ANXA6: variants seen among roughly 807,000 people sequenced by gnomAD.
The protein encoded by ANXA6 is 67 kDa calelectrin.
A neutral mutation model predicts 95.4 loss-of-function variants in ANXA6; 71 were observed. That is an observed-to-expected ratio of 0.74 (90% CI 0.61 to 0.91). The LOEUF is 0.91. Ranked by LOEUF, ANXA6 falls within the 40% of genes least tolerant of loss-of-function variation. ANXA6 has a pLI of 0.00. For missense variants in ANXA6, 830 were observed against 876.4 expected (o/e 0.95, Z 0.67); for synonymous variants, 289 against 315.9 (o/e 0.91, Z 0.90).
intron 24 of ANXA6, among the ~76,000 whole-genome samples, 193 bp downstream of exon 24, chr5:151,105,052 G>A (rs753380450): frequency 6.6e-6 from 1 of 152,222 alleles, no homozygotes; most frequent in Non-Finnish European, 1.5e-5. Context: ...TCCGGGGCGG[G>A]GGAAGGCGGG....
intron 20 of ANXA6, among the ~76,000 whole-genome samples, chr5:151,114,013 A>C (rs1764925271): frequency 6.6e-6 from 1 of 152,224 alleles, no homozygotes; most frequent in African/African-American, 2.4e-5. Context: ...TGTTTTCTTA[A>C]GTGAAGAAGC....
At chr5:151,139,118 T>C in intron 4 of ANXA6, 1 of 586,804 alleles carries the variant, frequency 1.7e-6, no homozygotes. Context: ...ACCTCACCCA[T>C]CTTATTCACT....
Position 151,130,858 on chromosome 5 carries a change from T to C in ANXA6, c.795+373A>G, listed in dbSNP as rs769461685. Among the ~76,000 whole-genome samples the C allele has an allele frequency of 3.3e-5, 5 of 152,332 alleles. No homozygotes were observed. In the South Asian group the frequency reaches 1.0e-3, roughly 32 times the overall value. On this transcript the variant is annotated intron_variant, in intron 11 of 25. Transcript: ENST00000354546. ...CAGAAACACACCCAGAGTGGAACTGTCACAGGGTGAGCATCATGAGTCTTA... is the reference window on the plus strand; with the variant it reads ...CAGAAACACACCCAGAGTGGAACTGCCACAGGGTGAGCATCATGAGTCTTA...
chr5:151,109,710 G>C, intron 22 of ANXA6, 43 bp downstream of exon 22: 1 of 1,479,228 alleles, frequency 6.8e-7, no homozygotes, highest in East Asian at 2.4e-5. Context: ...TCAGATTCTG[G>C]GATCTTCCTG....
chr5:151,128,364 G>A (rs1765388965), intron 12 of ANXA6, 125 bp from the exon 13 acceptor site: 1 of 813,494 alleles, frequency 1.2e-6, no homozygotes. Context: ...TAGCAGCCCT[G>A]GCCCTCCTGT....
chr5:151,118,966 T>A (rs1467927338), intron 18 of ANXA6, among the ~76,000 whole-genome samples: 1 of 152,206 alleles, frequency 6.6e-6, no homozygotes, highest in Non-Finnish European at 1.5e-5. Flanking sequence ...ACAGCATAGC[T>A]TGCAACCAAG....
chr5:151,132,984 AATGAAGTAGGTATC>A lies in ANXA6; in HGVS notation c.640+96_640+109del, dbSNP rs1765559587. On this transcript the variant is annotated intron_variant, in intron 9 of 25. Coordinates refer to ENST00000354546, the MANE Select transcript of ANXA6 (RefSeq NM_001155.5). ...ACTCAGGACTAAAGTTTGGGTTGGGAATGAAGTAGGTATCATGTTCCATTAGTGGTAAAGAAAAG... is the reference window on the plus strand; with the variant it reads ...ACTCAGGACTAAAGTTTGGGTTGGGAATGTTCCATTAGTGGTAAAGAAAAG... 5 of 842,322 alleles carry A rather than the reference AATGAAGTAGGTATC, an allele frequency of 5.9e-6. No individual in the cohort carries two copies. The East Asian group carries it at 1.4e-4, about 23-fold the overall frequency. The allele number at this position is 842,322 out of a possible 1,614,324, so 52.2% of individuals were successfully genotyped here. A position where few individuals can be genotyped will look rare whatever the true frequency, so the allele number is the denominator to read the frequency against.
chr5:151,139,631 G>A (rs1765771594), intron 3 of ANXA6, among the ~76,000 whole-genome samples, 184 bp from the exon 4 acceptor site: 1 of 152,112 alleles, frequency 6.6e-6, no homozygotes, highest in Non-Finnish European at 1.5e-5. Context: ...GACTGAAAGT[G>A]GACACAGCAC....
At chr5:151,135,260 G>A (rs935874505) in intron 7 of ANXA6, among the ~76,000 whole-genome samples, 2 of 152,134 alleles carry the variant, frequency 1.3e-5, no homozygotes, top group African/African-American at 2.4e-5. Context: ...GTGCCGCGCT[G>A]CTGCTTGGTG....
chr5:151,130,968 C>G (rs1765495169), intron 11 of ANXA6, among the ~76,000 whole-genome samples: 1 of 152,194 alleles, frequency 6.6e-6, no homozygotes, highest in Non-Finnish European at 1.5e-5. Context: ...AGCCGCCAAC[C>G]CATTTGGCTG....
At chr5:151,112,495 G>A (rs547844878) in intron 20 of ANXA6, among the ~76,000 whole-genome samples, 1 of 152,234 alleles carries the variant, frequency 6.6e-6, no homozygotes, top group South Asian at 2.1e-4. Context: ...AAGGCTACTA[G>A]GATTATGGGC....
chr5:151,108,194 G>T (rs1282431870), intron 23 of ANXA6, among the ~76,000 whole-genome samples: 3 of 151,854 alleles, frequency 2.0e-5, no homozygotes, highest in Non-Finnish European at 4.4e-5. Flanking sequence ...AGTTGTGCAG[G>T]ACAGCGTGCC....
At chr5:151,148,030 CTT>C in intron 1 of ANXA6, 104 bp from the exon 2 acceptor site, 1 of 1,179,952 alleles carries the variant, frequency 8.5e-7, no homozygotes, top group Non-Finnish European at 1.2e-6. Context: ...GCCCCCAGCC[CTT>C]CAGGTTAAAT....
intron 23 of ANXA6, among the ~76,000 whole-genome samples, chr5:151,106,722 A>G (rs1426115363): frequency 2.6e-5 from 4 of 152,148 alleles, no homozygotes; most frequent in Admixed American, 2.0e-4. Context: ...ACCTCCAGGA[A>G]GCCTTCCCTG....
At chr5:151,122,814 G>A in intron 16 of ANXA6, 103 bp downstream of exon 16, 2 of 990,194 alleles carry the variant, frequency 2.0e-6, no homozygotes, top group Non-Finnish European at 3.2e-6. Context: ...CCTCTGCCAT[G>A]AAGACCCTGG....
chr5:151,103,670 G>A lies in ANXA6; in HGVS notation c.1862C>T (p.Thr621Ile). ...GCGGGATACCATGATCCTGGTCAGA[G>A]TCTTCTCATCTGTGCCAGCACCCTG... is the stretch of plus-strand genomic sequence containing the variant. ...SMKGAGTDEK[T>I]LTRIMVSRSE... Residue 621 changes from threonine to isoleucine, a missense_variant, in exon 25 of 26, where the codon ACT becomes ATT. Thr to Ile is a moderately conservative substitution (Grantham distance 89). Transcript: ENST00000354546. 6.2e-7 allele frequency: 1 copy of A among 1,610,882 alleles called. No individual in the cohort carries two copies. Among genetic ancestry groups the A allele is most frequent in the Non-Finnish European group, 8.5e-7 (1 of 1,178,620 alleles).
chr5:151,133,607 T>C (rs545327083), intron 8 of ANXA6, among the ~76,000 whole-genome samples: 1 of 152,320 alleles, frequency 6.6e-6, no homozygotes, highest in African/African-American at 2.4e-5. Context: ...GTTATAATCT[T>C]ATAGGACTAG....
chr5:151,139,088 T>C, intron 4 of ANXA6: 1 of 589,412 alleles, frequency 1.7e-6, no homozygotes, highest in Admixed American at 3.0e-5. Context: ...TCTCACTATC[T>C]GGCAGTCCAC....
At chr5:151,142,704 G>T (rs556331921) in intron 2 of ANXA6, among the ~76,000 whole-genome samples, 2 of 152,328 alleles carry the variant, frequency 1.3e-5, no homozygotes, top group African/African-American at 4.8e-5. Flanking sequence ...TGGGCTAAAT[G>T]AATGGATGGA....
Sources: allele counts gnomAD v4.1 joint callset (sites outside exome capture counted in the v4.1 genomes callset), GRCh38; gene constraint gnomAD v4.1.1; transcripts MANE v1.5; gene names NCBI Gene and HGNC (gene_info 2026-07-23, HGNC 2026-07-21).